Variants in CEP128 observed in about 807,000 individuals in gnomAD.
CEP128 encodes the protein centrosomal protein 128kDa.
A neutral mutation model predicts 156.7 loss-of-function variants in CEP128; 132 were observed. The ratio of observed to expected loss-of-function variants is 0.84; its 90% CI spans 0.73 to 0.97. The LOEUF (loss-of-function observed/expected upper bound fraction) is 0.97, where lower values mean the gene tolerates loss of function less well. CEP128 is among the 50% of genes least tolerant of loss of function. CEP128 has a pLI of 0.00. For synonymous variants in CEP128, 469 were observed against 448.9 expected, an observed-to-expected ratio of 1.04 and a Z score of -0.57; for missense variants, 1,252 against 1,281.9, an observed-to-expected ratio of 0.98 and a Z score of 0.36.
chr14:80,927,358 G>A (rs1363338903), intron 2 of CEP128, among the ~76,000 whole-genome samples: 1 of 152,084 alleles, frequency 6.6e-6, no homozygotes, highest in Non-Finnish European at 1.5e-5. Context: ...TTGGAAAAGG[G>A]AACTATTTCT....
chr14:80,661,390 C>G (rs920392054), intron 19 of CEP128, among the ~76,000 whole-genome samples: 3 of 152,096 alleles, frequency 2.0e-5, no homozygotes, highest in Non-Finnish European at 4.4e-5. Flanking sequence ...TTTAAAGATA[C>G]AGGAGGTCCT....
intron 19 of CEP128, among the ~76,000 whole-genome samples, chr14:80,656,282 TA>T (rs1895143995): frequency 4.1e-4 from 3 of 7,338 alleles, no homozygotes; most frequent in African/African-American, 7.1e-4. Context: ...TTTTTATTTA[TA>T]TATATATTTA....
intron 15 of CEP128, among the ~76,000 whole-genome samples, chr14:80,781,755 T>C (rs1901132275): frequency 6.6e-6 from 1 of 152,188 alleles, no homozygotes; most frequent in Non-Finnish European, 1.5e-5. Context: ...TGACATATGA[T>C]ATATTGTCCA....
intron 10 of CEP128, 80 bp downstream of exon 10, chr14:80,840,602 G>T: frequency 1.2e-6 from 1 of 842,290 alleles, no homozygotes. Context: ...AGGATCCTGG[G>T]GACACTTTTC....
chr14:80,756,836 G>C lies in CEP128; in HGVS notation c.2613+56C>G, dbSNP rs947942390. On this transcript the variant is annotated intron_variant, in intron 18 of 24. Transcript: ENST00000555265. ...ACAAAATAAATAGCTAAACCAAATA[G>C]GATGGCTTAAAGATCATAAATATTA... 14 of 1,152,646 alleles carry C rather than the reference G, an allele frequency of 1.2e-5. No individual in the cohort carries two copies. In the South Asian group the frequency reaches 1.9e-4, roughly 15 times the overall value. The allele number at this position is 1,152,646 out of a possible 1,614,324, so 71.4% of individuals were successfully genotyped here.
At chr14:80,523,568 C>T (rs537646000) in intron 23 of CEP128, among the ~76,000 whole-genome samples, 2 of 152,280 alleles carry the variant, frequency 1.3e-5, no homozygotes, top group African/African-American at 4.8e-5. Context: ...TTGATTAATG[C>T]TGTGTTTAGA....
intron 19 of CEP128, among the ~76,000 whole-genome samples, chr14:80,613,957 A>G (rs890237422): frequency 2.6e-5 from 4 of 152,228 alleles, no homozygotes; most frequent in African/African-American, 4.8e-5. Flanking sequence ...ATGTAAAAAG[A>G]TAAATACCAT....
intron 3 of CEP128, 40 bp from the exon 4 acceptor site, chr14:80,914,448 C>T (rs757359443): frequency 2.1e-6 from 3 of 1,460,096 alleles, no homozygotes; most frequent in Non-Finnish European, 2.9e-6. Context: ...ATTCCAAATA[C>T]TTTTTTTTCC....
At chr14:80,580,548 G>A (rs1387336291) in intron 19 of CEP128, 125 bp from the exon 20 acceptor site, 6 of 612,564 alleles carry the variant, frequency 9.8e-6, no homozygotes, top group Non-Finnish European at 1.2e-5. Context: ...TAATGTTTAA[G>A]TGTGAGAAGC....
At chr14:80,566,256 TA>T (rs1306089998) in intron 20 of CEP128, among the ~76,000 whole-genome samples, 1 of 152,156 alleles carries the variant, frequency 6.6e-6, no homozygotes, top group Non-Finnish European at 1.5e-5. Context: ...ACTTCCTAAA[TA>T]AACCCTATAG....
intron 6 of CEP128, among the ~76,000 whole-genome samples, chr14:80,904,047 A>C (rs1447978647): frequency 6.6e-6 from 1 of 152,180 alleles, no homozygotes; most frequent in African/African-American, 2.4e-5. Context: ...TCTCATGTTC[A>C]TTGCAGCATT....
At chr14:80,653,363 G>A (rs941986633) in intron 19 of CEP128, among the ~76,000 whole-genome samples, 5 of 151,968 alleles carry the variant, frequency 3.3e-5, no homozygotes, top group Non-Finnish European at 4.4e-5. Context: ...AGGTAGCAGA[G>A]GTCAGTTGAT....
At chr14:80,819,239 CTTTTTTTT>C (rs1187431254) in intron 13 of CEP128, among the ~76,000 whole-genome samples, 2 of 82,748 alleles carry the variant, frequency 2.4e-5, no homozygotes, top group African/African-American at 1.1e-4. Flanking sequence ...TGGCATCTTC[CTTTTTTTT>C]TTTTTTTTTT....
At chr14:80,565,614 C>A (rs1006320156) in intron 20 of CEP128, among the ~76,000 whole-genome samples, 2 of 152,138 alleles carry the variant, frequency 1.3e-5, no homozygotes, top group African/African-American at 4.8e-5. Flanking sequence ...CATTTGCTAC[C>A]ACAATGAAGT....
intron 19 of CEP128, among the ~76,000 whole-genome samples, chr14:80,592,090 A>T (rs1892098607): frequency 6.6e-6 from 1 of 152,202 alleles, no homozygotes; most frequent in South Asian, 2.1e-4. Flanking sequence ...ATCACAATTA[A>T]AAGAACTAGA....
intron 22 of CEP128, among the ~76,000 whole-genome samples, chr14:80,527,760 C>A (rs370211039): frequency 2.8e-4 from 42 of 152,174 alleles, no homozygotes; most frequent in African/African-American, 1.0e-3. Context: ...CACCTTTTAA[C>A]TATTATGTCG....
chr14:80,532,587 T>G (rs1314827263), intron 21 of CEP128, among the ~76,000 whole-genome samples: 1 of 152,172 alleles, frequency 6.6e-6, no homozygotes, highest in Non-Finnish European at 1.5e-5. Context: ...TACAGACACT[T>G]TCAATGTACC....
chr14:80,566,791 T>C (rs1406031878), intron 20 of CEP128, among the ~76,000 whole-genome samples: 1 of 151,960 alleles, frequency 6.6e-6, no homozygotes, highest in African/African-American at 2.4e-5. Context: ...TTTCACTGGC[T>C]GCTTATGTGC....
At chr14:80,730,013 A>C (rs1445119469) in intron 19 of CEP128, among the ~76,000 whole-genome samples, 1 of 152,324 alleles carries the variant, frequency 6.6e-6, no homozygotes, top group East Asian at 1.9e-4. Context: ...GTGGAATAAG[A>C]GATGGTATTA....
Sources: allele counts gnomAD v4.1 joint callset (sites outside exome capture counted in the v4.1 genomes callset), GRCh38; gene constraint gnomAD v4.1.1; transcripts MANE v1.5; gene names NCBI Gene and HGNC (gene_info 2026-07-23, HGNC 2026-07-21).